NOVA1: variants seen among roughly 807,000 people sequenced by gnomAD.
NOVA1 encodes RNA-binding protein Nova-1.
NOVA1 carries 7 observed loss-of-function variants against 38.0 expected under a neutral mutation model. The observed-to-expected ratio is 0.18, with a 90% confidence interval of 0.10 to 0.35. NOVA1 has a LOEUF of 0.35. Ranked by LOEUF, NOVA1 falls within the 10% of genes least tolerant of loss-of-function variation. The pLI, the probability that NOVA1 is intolerant of heterozygous loss-of-function variation, is 1.00. For missense variants in NOVA1, 460 were observed against 616.0 expected (o/e 0.75, Z 2.68); for synonymous variants, 270 against 232.5 (o/e 1.16, Z -1.47).
intron 2 of NOVA1, among the ~76,000 whole-genome samples, chr14:26,483,735 A>G (rs1016273362): frequency 2.6e-5 from 4 of 152,212 alleles, no homozygotes; most frequent in Non-Finnish European, 4.4e-5. Flanking sequence ...AAACGATACC[A>G]TAAGGAAGCA....
At chr14:26,572,690 A>G (rs952688740) in intron 2 of NOVA1, among the ~76,000 whole-genome samples, 2 of 151,318 alleles carry the variant, frequency 1.3e-5, no homozygotes, top group African/African-American at 4.8e-5. Context: ...GGATGATCAT[A>G]TAAGCTGAAA....
At chr14:26,486,948 A>G (rs1013872475) in intron 2 of NOVA1, among the ~76,000 whole-genome samples, 2 of 152,090 alleles carry the variant, frequency 1.3e-5, no homozygotes, top group African/African-American at 4.8e-5. Flanking sequence ...TCCTTTCAAC[A>G]GACTATGTTA....
rs147178109 is a variant in NOVA1, at chr14:26,448,667, A to G, written c.816T>C (p.Tyr272=). ...TTGGTAACACTTCAGCAGTGTTTGC[A>G]TAAGGAGATCCGGTTGGATTGGAAT... The part of the protein sequence containing the change: ...VANSNPTGSP[Y]ANTAEVLPTA... Residue 272 remains tyrosine, a synonymous_variant, in exon 5 of 5, where the codon TAT becomes TAC. Coordinates refer to ENST00000539517, the MANE Select transcript of NOVA1 (RefSeq NM_002515.3). The surrounding 1 kb of genome is among the most constrained non-coding windows in gnomAD (Gnocchi z 5.3). 3.0e-5 allele frequency: 48 copies of G among 1,614,106 alleles called. No individual in the cohort carries two copies. The highest frequency in any genetic ancestry group is 1.2e-4 in the Admixed American group (7 of 60,002).
At chr14:26,513,346 A>G (rs1260815066) in intron 2 of NOVA1, among the ~76,000 whole-genome samples, 1 of 151,968 alleles carries the variant, frequency 6.6e-6, no homozygotes, top group Non-Finnish European at 1.5e-5. Context: ...AAATAAGAGT[A>G]TGAAAAAGAT....
chr14:26,477,040 T>A (rs1416928521), intron 3 of NOVA1, among the ~76,000 whole-genome samples: 1 of 152,198 alleles, frequency 6.6e-6, no homozygotes, highest in Non-Finnish European at 1.5e-5. Context: ...TATAGCATAT[T>A]GTTTACATTG....
At chr14:26,481,524 T>TA (rs1478512159) in intron 2 of NOVA1, among the ~76,000 whole-genome samples, 3 of 152,016 alleles carry the variant, frequency 2.0e-5, no homozygotes, top group African/African-American at 4.8e-5. Flanking sequence ...AAGAAAAACT[T>TA]AGAGATATAC....
intron 2 of NOVA1, among the ~76,000 whole-genome samples, chr14:26,510,876 T>C (rs2180819): frequency 6.6e-6 from 1 of 152,180 alleles, no homozygotes; most frequent in East Asian, 1.9e-4. Context: ...ATTTTTAAAA[T>C]TAACATAATA....
chr14:26,495,346 G>A (rs1194930717), intron 2 of NOVA1, among the ~76,000 whole-genome samples: 1 of 152,026 alleles, frequency 6.6e-6, no homozygotes, highest in African/African-American at 2.4e-5. Context: ...TCTCTCTGGT[G>A]GAACAAAAGG....
At chr14:26,551,459 G>A (rs1891154581) in intron 2 of NOVA1, among the ~76,000 whole-genome samples, 1 of 151,926 alleles carries the variant, frequency 6.6e-6, no homozygotes, top group South Asian at 2.1e-4. Context: ...ATTTAGCCAT[G>A]TCTTCTAAAA....
chr14:26,511,415 AC>A (rs1317704282), intron 2 of NOVA1, among the ~76,000 whole-genome samples: 8 of 152,200 alleles, frequency 5.3e-5, no homozygotes, highest in Admixed American at 5.2e-4. Context: ...ATATCGTTAA[AC>A]ACTCCTTAGA....
At chr14:26,563,496 TAAG>T (rs1231906235) in intron 2 of NOVA1, among the ~76,000 whole-genome samples, 1 of 150,684 alleles carries the variant, frequency 6.6e-6, no homozygotes, top group African/African-American at 2.4e-5. Context: ...AGAAGGAAAA[TAAG>T]AAAATCAGAA....
At chr14:26,496,600 T>C (rs1400628262) in intron 2 of NOVA1, among the ~76,000 whole-genome samples, 1 of 152,174 alleles carries the variant, frequency 6.6e-6, no homozygotes, top group African/African-American at 2.4e-5. Flanking sequence ...ATGCCTAGGT[T>C]TTCTTCCAGG....
intron 2 of NOVA1, chr14:26,594,045 T>A (rs1438916598): frequency 1.3e-5 from 2 of 151,952 alleles, no homozygotes; most frequent in Admixed American, 1.3e-4. Flanking sequence ...ATTTTTTTTA[T>A]CATAATATAC....
intron 2 of NOVA1, among the ~76,000 whole-genome samples, chr14:26,572,061 C>A (rs1405443831): frequency 1.3e-5 from 2 of 152,124 alleles, no homozygotes. Context: ...TCATATTACC[C>A]TGTACTAAAG....
intron 2 of NOVA1, among the ~76,000 whole-genome samples, chr14:26,594,713 A>C (rs1196271316): frequency 6.6e-6 from 1 of 152,032 alleles, no homozygotes; most frequent in Admixed American, 6.5e-5. Flanking sequence ...GCATACTTGA[A>C]AGTGAAAAAC....
At chr14:26,561,876 G>C (rs552992718) in intron 2 of NOVA1, among the ~76,000 whole-genome samples, 1 of 152,062 alleles carries the variant, frequency 6.6e-6, no homozygotes. Context: ...CATTCCTAGT[G>C]TGTTAGAACA....
chr14:26,451,543 A>G (rs1249317384), intron 4 of NOVA1, among the ~76,000 whole-genome samples: 1 of 152,004 alleles, frequency 6.6e-6, no homozygotes, highest in African/African-American at 2.4e-5. Flanking sequence ...TAATTTTTGT[A>G]TTCTTTTAGT....
intron 2 of NOVA1, among the ~76,000 whole-genome samples, chr14:26,541,988 G>T (rs1213772654): frequency 1.3e-5 from 2 of 151,702 alleles, no homozygotes; most frequent in Non-Finnish European, 2.9e-5. Context: ...CTAATGTAAA[G>T]GTCAGAATAT....
chr14:26,581,508 A>C (rs1387971070), intron 2 of NOVA1, among the ~76,000 whole-genome samples: 2 of 152,018 alleles, frequency 1.3e-5, no homozygotes, highest in Non-Finnish European at 2.9e-5. Context: ...AACTATCTTA[A>C]TGACCTAATG....
Sources: gnomAD v4.1 joint callset for allele counts (sites outside exome capture counted in the v4.1 genomes callset) on GRCh38, gnomAD v4.1.1 for gene constraint, Gnocchi (gnomAD v3.1) non-coding constraint, MANE v1.5 for transcripts, NCBI Gene and HGNC (gene_info 2026-07-23, HGNC 2026-07-21) for gene names.